The following ROBO1 variants were observed in gnomAD, a reference collection of about 807,000 sequenced individuals.
ROBO1 encodes the protein roundabout guidance receptor 1.
Under a neutral mutation model 195.9 loss-of-function variants are expected in ROBO1, and 149 were observed. The observed-to-expected ratio is 0.76, with a 90% CI of 0.67 to 0.87. ROBO1 has a LOEUF of 0.87. ROBO1 is among the 40% of genes least tolerant of loss of function. The probability of loss-of-function intolerance (pLI) is 0.00; values close to 1 mark genes in which losing one functional copy is unlikely to be tolerated. For missense variants in ROBO1, 1,933 were observed against 2,068.3 expected (o/e 0.93, Z 1.27); for synonymous variants, 816 against 733.2 (o/e 1.11, Z -1.82).
chr3:79,018,662 A>T, intron 3 of ROBO1: 2 of 1,397,490 alleles, frequency 1.4e-6, no homozygotes, highest in Non-Finnish European at 1.9e-6. Context: ...CAGAGGAAGA[A>T]TTCCAAGGTT....
Position 78,641,540 on chromosome 3 carries a change from T to C in ROBO1, c.2883-1642A>G, listed in dbSNP as rs1325426979. On this transcript the variant is annotated intron_variant, in intron 21 of 30. Transcript: ENST00000464233. ...AAATGCAAATTATAACACAGATATC[T>C]GGAGCCTTGAAATAGATATTAGTTA... Among the ~76,000 whole-genome samples the C allele has an allele frequency of 2.0e-5, 3 of 152,352 alleles. No individual in the cohort carries two copies. The East Asian group carries it at 5.8e-4, about 29-fold the overall frequency.
At chr3:78,945,931 G>A (rs569005060) in intron 3 of ROBO1, among the ~76,000 whole-genome samples, 4 of 151,186 alleles carry the variant, frequency 2.6e-5, no homozygotes, top group South Asian at 2.1e-4. Context: ...GATGGAAGAC[G>A]AAATGAATGA....
chr3:78,861,535 T>A (rs191892094), intron 4 of ROBO1, among the ~76,000 whole-genome samples: 1 of 152,298 alleles, frequency 6.6e-6, no homozygotes, highest in South Asian at 2.1e-4. Context: ...GTTATACAAA[T>A]TCCCATTTTC....
At chr3:79,756,942 A>T (rs1576325147) in intron 1 of ROBO1, among the ~76,000 whole-genome samples, 1 of 152,300 alleles carries the variant, frequency 6.6e-6, no homozygotes, top group Non-Finnish European at 1.5e-5. Flanking sequence ...TTTATTTATC[A>T]TAATGTTTTC....
chr3:79,528,686 C>T (rs1409517639), intron 2 of ROBO1, among the ~76,000 whole-genome samples: 1 of 152,086 alleles, frequency 6.6e-6, no homozygotes, highest in Non-Finnish European at 1.5e-5. Flanking sequence ...ATTTCTTAGA[C>T]CAAATGGCAA....
At chr3:79,077,944 T>C (rs1021586516) in intron 3 of ROBO1, among the ~76,000 whole-genome samples, 1 of 151,834 alleles carries the variant, frequency 6.6e-6, no homozygotes, top group Non-Finnish European at 1.5e-5. Flanking sequence ...ATAGTAAGTG[T>C]TCAGTGCTAG....
At chr3:79,171,351 A>G (rs2081161775) in intron 2 of ROBO1, among the ~76,000 whole-genome samples, 1 of 150,450 alleles carries the variant, frequency 6.6e-6, no homozygotes, top group African/African-American at 2.4e-5. Flanking sequence ...TCTCTTCTCA[A>G]CTTGACATTT....
intron 2 of ROBO1, among the ~76,000 whole-genome samples, chr3:79,431,168 G>C (rs2038660323): frequency 6.6e-6 from 1 of 152,100 alleles, no homozygotes; most frequent in Non-Finnish European, 1.5e-5. Context: ...CTTGGCATGA[G>C]GGCCAGTTGC....
At chr3:79,381,615 C>T (rs1005843531) in intron 2 of ROBO1, among the ~76,000 whole-genome samples, 2 of 151,768 alleles carry the variant, frequency 1.3e-5, no homozygotes, top group Admixed American at 6.6e-5. Flanking sequence ...CATCATTAGC[C>T]CTAAAGTCTT....
At chr3:79,593,467 G>A (rs1386364282) in intron 1 of ROBO1, among the ~76,000 whole-genome samples, 1 of 151,986 alleles carries the variant, frequency 6.6e-6, no homozygotes, top group Non-Finnish European at 1.5e-5. Context: ...GGCATGCAAT[G>A]GTAAGCAGTG....
chr3:78,802,707 GCATCATCAT>G (rs58983750), intron 4 of ROBO1, among the ~76,000 whole-genome samples: 6,348 of 149,632 alleles, frequency 0.042, 233 homozygotes, highest in African/African-American at 0.098. Flanking sequence ...CTGCGGTCTA[GCATCATCAT>G]CATCATCATC....
chr3:78,895,339 A>G (rs2107411117), intron 4 of ROBO1, among the ~76,000 whole-genome samples: 1 of 152,324 alleles, frequency 6.6e-6, no homozygotes, highest in Middle Eastern at 3.4e-3. Context: ...AGAGAAAAAA[A>G]GTAAAATTCA....
At chr3:78,988,112 G>A (rs1168199086) in intron 3 of ROBO1, among the ~76,000 whole-genome samples, 1 of 152,126 alleles carries the variant, frequency 6.6e-6, no homozygotes, top group Non-Finnish European at 1.5e-5. Flanking sequence ...TCTTGGGAAA[G>A]AGCTGTGATC....
At position 78,853,463 on chromosome 3, in the gene ROBO1, G is replaced by GTA. The variant is rs72333613; in HGVS notation, c.499+85137_499+85138insTA. Among the ~76,000 whole-genome samples the GTA allele has an allele frequency of 6.3e-4, 10 of 15,800 alleles. No homozygotes were observed. In the South Asian group the frequency reaches 0.029, roughly 46 times the overall value. The allele number at this position is 15,800 out of a possible 152,430, so 10.4% of individuals were successfully genotyped here. On this transcript the variant is annotated intron_variant, in intron 4 of 30. Transcript: ENST00000464233. Reference sequence around the variant, plus strand: ...TTCATATATAGTATGTATGTGTGGGGTGTGTGTGTGTGTATGTATGTATGT... The same window carrying GTA: ...TTCATATATAGTATGTATGTGTGGGGTATGTGTGTGTGTGTATGTATGTATGT...
intron 4 of ROBO1, among the ~76,000 whole-genome samples, chr3:78,817,105 A>G (rs1399288161): frequency 6.6e-6 from 1 of 152,232 alleles, no homozygotes; most frequent in Admixed American, 6.5e-5. Context: ...GTGATCAAAC[A>G]GTGGCACATG....
chr3:79,181,172 A>G (rs532171238), intron 2 of ROBO1, among the ~76,000 whole-genome samples: 1 of 152,248 alleles, frequency 6.6e-6, no homozygotes, highest in South Asian at 2.1e-4. Context: ...GGACTGCACT[A>G]TCCTCACACC....
rs140369302 is a variant in ROBO1 at position 79,117,346 on chromosome 3, G to A, written c.172+8110C>T. Among the ~76,000 whole-genome samples, 354 of 152,044 alleles carry A rather than the reference G, an allele frequency of 2.3e-3. 4 individuals carry two copies. Among genetic ancestry groups the A allele is most frequent in the African/African-American group, 8.1e-3 (338 of 41,490 alleles). On this transcript the variant is annotated intron_variant, in intron 3 of 30. Transcript: ENST00000464233. ...GATCGCACCACTGCACTCCAGCCTG[G>A]GCGACAGAGAGAGACTCCATCTCAA...
At chr3:79,528,869 C>T (rs898895736) in intron 2 of ROBO1, among the ~76,000 whole-genome samples, 2 of 152,060 alleles carry the variant, frequency 1.3e-5, no homozygotes, top group African/African-American at 4.8e-5. Flanking sequence ...AAAGAACAAA[C>T]AATTCATCTT....
At chr3:79,247,258 A>C (rs2082642106) in intron 2 of ROBO1, among the ~76,000 whole-genome samples, 2 of 150,396 alleles carry the variant, frequency 1.3e-5, no homozygotes, top group Admixed American at 6.7e-5. Context: ...AAATTGTTCC[A>C]AAGTGCACAT....
Sources: allele counts gnomAD v4.1 joint callset (sites outside exome capture counted in the v4.1 genomes callset), GRCh38; gene constraint gnomAD v4.1.1; transcripts MANE v1.5; gene names NCBI Gene and HGNC (gene_info 2026-07-23, HGNC 2026-07-21).